Variants in DMD observed in about 807,000 individuals in gnomAD.
DMD encodes dystrophin, also known as mutant dystrophin.
DMD carries 63 observed loss-of-function variants against 330.1 expected under a neutral mutation model. The ratio of observed to expected loss-of-function variants is 0.19; its 90% confidence interval spans 0.16 to 0.24. DMD has a LOEUF of 0.24. Ranked by LOEUF, DMD falls within the 10% of genes least tolerant of loss-of-function variation. The pLI is 1.00. For missense variants in DMD, 3,344 were observed against 2,684.1 expected (o/e 1.25, Z -5.43); for synonymous variants, 1,223 against 959.8 (o/e 1.27, Z -5.07).
intron 44 of DMD, among the ~76,000 whole-genome samples, chrX:32,011,436 A>G (rs1012472132): frequency 8.9e-6 from 1 of 111,948 alleles, no homozygotes; most frequent in Non-Finnish European, 1.9e-5. Flanking sequence ...CCCCCTGGGA[A>G]CTACATTTCC....
intron 42 of DMD, among the ~76,000 whole-genome samples, chrX:32,291,880 G>T (rs2097471539): frequency 8.9e-6 from 1 of 111,926 alleles, no homozygotes; most frequent in Admixed American, 9.5e-5. Flanking sequence ...GGCTTTCTGA[G>T]CAAAGAGTTG....
At chrX:33,273,418 C>T (rs777940803) in intron 1 of DMD, among the ~76,000 whole-genome samples, 43 of 112,273 alleles carry the variant, frequency 3.8e-4, no homozygotes, top group Non-Finnish European at 7.0e-4. Flanking sequence ...TTTTAAATGT[C>T]AATGTGCATA....
chrX:32,812,257 A>G (rs186258604), intron 6 of DMD, among the ~76,000 whole-genome samples: 76 of 111,874 alleles, frequency 6.8e-4, no homozygotes, highest in African/African-American at 2.2e-3. Flanking sequence ...AGCTCATGCT[A>G]TGCAAAAACA....
intron 67 of DMD, among the ~76,000 whole-genome samples, chrX:31,188,409 A>G (rs2042019933): frequency 8.9e-6 from 1 of 112,182 alleles, no homozygotes; most frequent in African/African-American, 3.2e-5. Flanking sequence ...GTCAAAAGAT[A>G]AGTATGATGG....
chrX:32,547,050 ATAAT>A (rs6151282), intron 16 of DMD, among the ~76,000 whole-genome samples: 39,362 of 110,112 alleles, frequency 0.36, 5,249 homozygotes, highest in African/African-American at 0.41. Context: ...GGATCCCAAG[ATAAT>A]TTATTTTTTT....
intron 1 of DMD, among the ~76,000 whole-genome samples, chrX:33,318,767 G>A (rs1277353130): frequency 1.8e-5 from 2 of 110,117 alleles, no homozygotes; most frequent in African/African-American, 3.3e-5. Flanking sequence ...GTCTTACTGA[G>A]TATTTTCCCC....
chrX:31,541,126 T>G (rs2073779736), intron 55 of DMD, among the ~76,000 whole-genome samples: 1 of 111,691 alleles, frequency 9.0e-6, no homozygotes, highest in Admixed American at 9.5e-5. Context: ...TGGCTGTAGG[T>G]AGCTACCGAG....
intron 2 of DMD, among the ~76,000 whole-genome samples, chrX:32,926,213 A>G (rs778635384): frequency 1.3e-4 from 15 of 112,235 alleles, no homozygotes; most frequent in Non-Finnish European, 2.4e-4. Context: ...GCCAAATAAC[A>G]TATGATCTCG....
At chrX:31,801,062 C>G (rs2092037281) in intron 50 of DMD, among the ~76,000 whole-genome samples, 1 of 111,646 alleles carries the variant, frequency 9.0e-6, no homozygotes, top group Non-Finnish European at 1.9e-5. Context: ...ACAGCAATAC[C>G]CCACTCTCTG....
At chrX:31,327,841 C>T (rs889410423) in intron 61 of DMD, among the ~76,000 whole-genome samples, 4 of 112,402 alleles carry the variant, frequency 3.6e-5, no homozygotes, top group Non-Finnish European at 7.5e-5. Flanking sequence ...ATCCATATTG[C>T]TGTATCAACG....
At chrX:32,636,442 T>A (rs372981029) in intron 11 of DMD, among the ~76,000 whole-genome samples, 33 of 112,182 alleles carry the variant, frequency 2.9e-4, no homozygotes, top group East Asian at 2.5e-3. Flanking sequence ...TGCACTAACA[T>A]TTATTTTCCT....
At position 32,191,041 on chromosome X, in the gene DMD, A is replaced by G. The variant is rs776336776; in HGVS notation, c.6438+25875T>C. ...CCAACTGATAAACAAATTCCCATGT[A>G]TAACTCCCAGGTCCCAATTTTTCAT... On this transcript the variant is annotated intron_variant, in intron 44 of 78. Coordinates refer to ENST00000357033, the MANE Select transcript of DMD (RefSeq NM_004006.3). 1.3e-4 allele frequency among the ~76,000 whole-genome samples: 14 copies of G among 110,962 alleles called. No homozygotes were observed. In the East Asian group the frequency reaches 3.7e-3, roughly 29 times the overall value.
At chrX:33,211,654 C>T (rs142496810), upstream of DMD, 212 of 697,767 alleles carry the variant, frequency 3.0e-4, no homozygotes, top group African/African-American at 3.8e-3. Context: ...TAGGACTGTC[C>T]ATGGTCACTA....
At chrX:32,066,664 T>C (rs1366335833) in intron 44 of DMD, among the ~76,000 whole-genome samples, 2 of 111,585 alleles carry the variant, frequency 1.8e-5, no homozygotes, top group African/African-American at 6.5e-5. Flanking sequence ...CCGTTTTTAC[T>C]TGTAGGTATC....
At chrX:33,193,652 C>T (rs1018891943) in intron 1 of DMD, among the ~76,000 whole-genome samples, 13 of 111,995 alleles carry the variant, frequency 1.2e-4, no homozygotes, top group African/African-American at 3.9e-4. Context: ...AATTGAAACG[C>T]GCATGCAAAA....
At chrX:32,567,808 A>C (rs1456214942) in intron 15 of DMD, among the ~76,000 whole-genome samples, 1 of 112,312 alleles carries the variant, frequency 8.9e-6, no homozygotes, top group Non-Finnish European at 1.9e-5. Flanking sequence ...TACCTGTCCC[A>C]AGCTGAGAGC....
chrX:31,787,336 A>C (rs2091355298), intron 50 of DMD, among the ~76,000 whole-genome samples: 1 of 111,850 alleles, frequency 8.9e-6, no homozygotes, highest in African/African-American at 3.3e-5. Context: ...ATGCCATTGC[A>C]CTCCAGCCTG....
Position 31,167,445 on chromosome X carries a change from C to T in DMD, c.10553+1998G>A, listed in dbSNP as rs146114932. 1.8e-3 allele frequency among the ~76,000 whole-genome samples: 201 copies of T among 111,991 alleles called. 1 individual carries two copies. The highest frequency in any genetic ancestry group is 6.3e-3 in the African/African-American group (196 of 30,887). On this transcript the variant is annotated intron_variant, in intron 74 of 78. Coordinates refer to ENST00000357033, the MANE Select transcript of DMD (RefSeq NM_004006.3). Reference sequence around the variant, plus strand: ...ATGGTACGGAGAAAGACTATGCTAACCACAAACGAGGCAGGGCTCTTGACC... The same window carrying T: ...ATGGTACGGAGAAAGACTATGCTAATCACAAACGAGGCAGGGCTCTTGACC...
chrX:31,303,790 C>T (rs960312533), intron 62 of DMD, among the ~76,000 whole-genome samples: 1 of 111,899 alleles, frequency 8.9e-6, no homozygotes, highest in African/African-American at 3.2e-5. Flanking sequence ...CAAGTTCCCT[C>T]CTGCTAAATT....
Sources: gnomAD v4.1 joint callset for allele counts (sites outside exome capture counted in the v4.1 genomes callset) on GRCh38, gnomAD v4.1.1 for gene constraint, MANE v1.5 for transcripts, NCBI Gene and HGNC (gene_info 2026-07-23, HGNC 2026-07-21) for gene names.